Variants in ESRRG observed in about 807,000 individuals in gnomAD.
ESRRG encodes the protein estrogen related receptor gamma.
In ESRRG, 13 loss-of-function variants were observed where a neutral mutation model predicts 44.0. The ratio of observed to expected loss-of-function variants is 0.30; its 90% CI spans 0.19 to 0.47. The LOEUF (loss-of-function observed/expected upper bound fraction) is 0.47, where lower values mean the gene tolerates loss of function less well. Ranked by LOEUF, ESRRG falls within the 20% of genes least tolerant of loss-of-function variation. The pLI, the probability that ESRRG is intolerant of heterozygous loss-of-function variation, is 1.00. For missense variants in ESRRG, 395 were observed against 580.6 expected (o/e 0.68, Z 3.29); for synonymous variants, 215 against 214.6 (o/e 1.00, Z -0.02).
At chr1:217,016,982 G>A (rs1461575397) in intron 1 of ESRRG, among the ~76,000 whole-genome samples, 3 of 152,106 alleles carry the variant, frequency 2.0e-5, no homozygotes, top group African/African-American at 4.8e-5. Flanking sequence ...AAAGCCTGTT[G>A]TCACTTTTTA....
chr1:216,596,620 A>G (rs2058484816), intron 3 of ESRRG, among the ~76,000 whole-genome samples: 1 of 152,182 alleles, frequency 6.6e-6, no homozygotes, highest in African/African-American at 2.4e-5. Flanking sequence ...ACTTTGGCCA[A>G]CACCACTAGC....
At chr1:217,020,978 G>A (rs2080211765) in intron 1 of ESRRG, among the ~76,000 whole-genome samples, 1 of 150,720 alleles carries the variant, frequency 6.6e-6, no homozygotes, top group African/African-American at 2.4e-5. Flanking sequence ...TTTGGTACAG[G>A]GTTTTCAAAG....
chr1:216,888,019 T>A (rs896191428), intron 2 of ESRRG, among the ~76,000 whole-genome samples: 2 of 147,920 alleles, frequency 1.4e-5, no homozygotes, highest in African/African-American at 2.5e-5. Flanking sequence ...TTTTTTTTTT[T>A]ACCACCAAAC....
At chr1:216,695,271 T>C (rs756189647) in intron 1 of ESRRG, among the ~76,000 whole-genome samples, 146 of 152,046 alleles carry the variant, frequency 9.6e-4, no homozygotes, top group Non-Finnish European at 1.5e-3. Flanking sequence ...ACTGTGGAAG[T>C]GGTTACAAAA....
intron 3 of ESRRG, among the ~76,000 whole-genome samples, chr1:216,600,734 T>C (rs1203108411): frequency 6.6e-6 from 1 of 152,192 alleles, no homozygotes; most frequent in African/African-American, 2.4e-5. Flanking sequence ...TGAAGTCCTG[T>C]GAAAAAACTT....
chr1:216,684,297 C>T (rs2077544292), intron 1 of ESRRG, among the ~76,000 whole-genome samples: 1 of 152,102 alleles, frequency 6.6e-6, no homozygotes, highest in Non-Finnish European at 1.5e-5. Context: ...AAGAAATGGT[C>T]CTGTGATATC....
upstream of ESRRG, among the ~76,000 whole-genome samples, chr1:216,726,695 T>C (rs2087593948): frequency 6.6e-6 from 1 of 152,160 alleles, no homozygotes; most frequent in Non-Finnish European, 1.5e-5. Flanking sequence ...ATTAATAAAT[T>C]AGTTAATATC....
intron 1 of ESRRG, among the ~76,000 whole-genome samples, chr1:217,074,253 T>A (rs2090972919): frequency 6.6e-6 from 1 of 151,972 alleles, no homozygotes; most frequent in Non-Finnish European, 1.5e-5. Context: ...TTCACCATAT[T>A]GGCCCGGCCA....
chr1:216,993,169 T>C (rs1447842193), intron 1 of ESRRG, among the ~76,000 whole-genome samples: 1 of 152,210 alleles, frequency 6.6e-6, no homozygotes, highest in Non-Finnish European at 1.5e-5. Context: ...TTATTCACAC[T>C]TTAAAACAAC....
chr1:217,106,506 G>C (rs577446819), intron 1 of ESRRG, among the ~76,000 whole-genome samples: 35 of 152,146 alleles, frequency 2.3e-4, no homozygotes, highest in Non-Finnish European at 1.3e-4. Context: ...AGATGACAGG[G>C]TTGTAAAAGA....
chr1:216,656,352 T>A (rs1417837369), intron 2 of ESRRG, among the ~76,000 whole-genome samples: 3 of 152,160 alleles, frequency 2.0e-5, no homozygotes, highest in Non-Finnish European at 4.4e-5. Context: ...CAAATCAACA[T>A]GGAAGCTCTC....
intron 1 of ESRRG, among the ~76,000 whole-genome samples, chr1:216,944,599 G>A (rs922620213): frequency 1.3e-5 from 2 of 152,054 alleles, no homozygotes; most frequent in Non-Finnish European, 2.9e-5. Context: ...TGTTGATGAA[G>A]ATCTTGGTGG....
intron 4 of ESRRG, among the ~76,000 whole-genome samples, chr1:216,565,101 C>T (rs1390416489): frequency 6.6e-6 from 1 of 152,030 alleles, no homozygotes; most frequent in African/African-American, 2.4e-5. Context: ...CATCAGTTGT[C>T]CTTAGTTCAT....
intron 1 of ESRRG, among the ~76,000 whole-genome samples, chr1:217,060,605 A>G (rs2088169752): frequency 1.3e-5 from 2 of 152,060 alleles, no homozygotes; most frequent in Non-Finnish European, 2.9e-5. Flanking sequence ...GGATTCAGCC[A>G]CCTTAACCCT....
chr1:217,059,667 T>C (rs1048722311), intron 1 of ESRRG, among the ~76,000 whole-genome samples: 2 of 152,020 alleles, frequency 1.3e-5, no homozygotes, highest in Admixed American at 6.6e-5. Context: ...CCACCACCTA[T>C]AGTCTTGCCA....
At chr1:216,973,822 G>A (rs1014999393) in intron 1 of ESRRG, among the ~76,000 whole-genome samples, 1 of 120,210 alleles carries the variant, frequency 8.3e-6, no homozygotes, top group Non-Finnish European at 1.7e-5. Context: ...GTGAAACTCT[G>A]TCTCAAAAAA....
In ESRRG at chr1:216,544,208, CAA is replaced by C. The variant is rs140886263; in HGVS notation, c.862+20009_862+20010del. Among the ~76,000 whole-genome samples, 1,175 of 152,022 alleles carry C rather than the reference CAA, an allele frequency of 7.7e-3. 8 individuals carry two copies. Among genetic ancestry groups the C allele is most frequent in the African/African-American group, 0.027 (1,116 of 41,482 alleles). On this transcript the variant is annotated intron_variant, in intron 5 of 6. Transcript: ENST00000408911. ...ATCATTGTCATTATTATTTTTTCAT[CAA>C]GAGTAATAATAATTCAGAACTGCAA...
chr1:216,773,116 T>G (rs549062012), intron 2 of ESRRG, among the ~76,000 whole-genome samples: 1 of 152,202 alleles, frequency 6.6e-6, no homozygotes, highest in African/African-American at 2.4e-5. Context: ...GAAAGAAATC[T>G]TAACCAAAGA....
intron 1 of ESRRG, among the ~76,000 whole-genome samples, chr1:217,103,755 G>A (rs1200666289): frequency 1.3e-5 from 2 of 152,126 alleles, no homozygotes; most frequent in Non-Finnish European, 1.5e-5. Flanking sequence ...TTCAGATGAC[G>A]AATGCCCCTC....
Sources: allele counts gnomAD v4.1 joint callset (sites outside exome capture counted in the v4.1 genomes callset), GRCh38; gene constraint gnomAD v4.1.1; transcripts MANE v1.5; gene names NCBI Gene and HGNC (gene_info 2026-07-23, HGNC 2026-07-21).